Variants in PER2 observed in about 807,000 individuals in gnomAD.
PER2 encodes period circadian regulator 2.
PER2 carries 66 observed loss-of-function variants against 121.0 expected under a neutral mutation model. The ratio of observed to expected loss-of-function variants is 0.55; its 90% CI spans 0.45 to 0.67. PER2 has a LOEUF of 0.67. Among genes scored for constraint, PER2 ranks in the 30% least tolerant of loss-of-function variants. The pLI, the probability that PER2 is intolerant of heterozygous loss-of-function variation, is 0.00. For synonymous variants in PER2, 684 were observed against 659.9 expected, an observed-to-expected ratio of 1.04 and a Z score of -0.56; for missense variants, 1,521 against 1,635.0, an observed-to-expected ratio of 0.93 and a Z score of 1.20.
chr2:238,246,322 C>A lies in PER2; in HGVS notation c.*53G>T, dbSNP rs1574835890. The A allele has an allele frequency of 7.1e-7, 1 of 1,414,680 alleles. No homozygotes were observed. Among genetic ancestry groups the A allele is most frequent in the East Asian group, 2.4e-5 (1 of 42,290 alleles). 87.6% of individuals were successfully genotyped at this position (1,414,680 alleles called of 1,614,324 possible). On this transcript the variant is annotated 3_prime_UTR_variant, in exon 23 of 23. Transcript: ENST00000254657. Reference sequence around the variant, plus strand: ...CAGCCATGAAGATCTTTCATCTCTTCCAAGCACCACCTGGTGTACCTCGCT... The same window carrying A: ...CAGCCATGAAGATCTTTCATCTCTTACAAGCACCACCTGGTGTACCTCGCT...
intron 3 of PER2, among the ~76,000 whole-genome samples, chr2:238,276,208 G>A (rs13391596): frequency 0.056 from 8,446 of 152,142 alleles, 824 homozygotes; most frequent in African/African-American, 0.19. Context: ...GTGGCCCTTG[G>A]TGGGGCTCTG....
chr2:238,285,133 C>T (rs1334420695), intron 1 of PER2, among the ~76,000 whole-genome samples: 1 of 152,292 alleles, frequency 6.6e-6, no homozygotes, highest in South Asian at 2.1e-4. Context: ...GGGCGTGAAC[C>T]TGCCCTTGAG....
intron 1 of PER2, among the ~76,000 whole-genome samples, chr2:238,287,223 A>C (rs1025214049): frequency 6.6e-5 from 10 of 152,166 alleles, no homozygotes; most frequent in African/African-American, 2.4e-4. Flanking sequence ...AACTGCAAAC[A>C]CCCACGGTGC....
intron 5 of PER2, among the ~76,000 whole-genome samples, chr2:238,272,265 A>G (rs1696313518): frequency 1.3e-5 from 2 of 152,172 alleles, no homozygotes; most frequent in African/African-American, 2.4e-5. Flanking sequence ...TGTCTTGGAC[A>G]TGGCACCTGG....
intron 14 of PER2, 152 bp downstream of exon 14, chr2:238,259,817 A>T (rs113408718): frequency 3.1e-5 from 19 of 605,880 alleles, no homozygotes; most frequent in Non-Finnish European, 5.7e-5. Context: ...GCCTCTTGGA[A>T]GCTGCAGACT....
the PER2 span, chr2:238,298,550 T>C: frequency 1.3e-5 from 2 of 152,208 alleles, no homozygotes; most frequent in Non-Finnish European, 2.9e-5. Flanking sequence ...TGTTCTTCCA[T>C]GGCTTGTGGG....
intron 5 of PER2, among the ~76,000 whole-genome samples, chr2:238,271,976 G>T (rs373818978): frequency 2.6e-5 from 4 of 152,082 alleles, no homozygotes; most frequent in African/African-American, 9.7e-5. Context: ...TTCCAAGCTT[G>T]TGATAAGCCC....
intron 1 of PER2, among the ~76,000 whole-genome samples, chr2:238,279,590 GCC>G (rs1303999097): frequency 5.3e-5 from 8 of 152,184 alleles, no homozygotes; most frequent in Admixed American, 3.9e-4. Flanking sequence ...CATCCGTTTG[GCC>G]CTTCCCAGGG....
At position 238,273,299 on chromosome 2, in the gene PER2, G is replaced by A. The variant is rs934306725; in HGVS notation, c.449-108C>T. 5 of 1,204,066 alleles carry A rather than the reference G, an allele frequency of 4.2e-6. No homozygotes were observed. The East Asian group carries it at 7.6e-5, about 18-fold the overall frequency. 74.6% of individuals were successfully genotyped at this position (1,204,066 alleles called of 1,614,324 possible). ...TCTACTTTTCTCAAATGAAAAGGTA[G>A]GATATAAATCTCGTCTTCCTGGGAC... On this transcript the variant is annotated intron_variant, in intron 4 of 22. Transcript: ENST00000254657.
Position 238,255,889 on chromosome 2 carries a change from A to G in PER2, c.2088T>C (p.Ser696=), listed in dbSNP as rs1559324893. Reference sequence around the variant, plus strand: ...CCAGGCAGTCCAGGGATTCTGGCCCACTCGCAGCATCTTCCACCATCTCTG... The same window carrying G: ...CCAGGCAGTCCAGGGATTCTGGCCCGCTCGCAGCATCTTCCACCATCTCTG... The part of the protein sequence containing the change: ...PELEMVEDAA[S]GPESLDCLAG... The change falls in exon 18 of 23, where the codon AGT becomes AGC. Residue 696 remains serine (S), a synonymous_variant. Transcript: ENST00000254657. 6.2e-7 allele frequency: 1 copy of G among 1,614,142 alleles called. No homozygotes were observed. The highest frequency in any genetic ancestry group is 8.5e-7 in the Non-Finnish European group (1 of 1,180,022).
chr2:238,256,260 G>A (rs1574843303), intron 17 of PER2, among the ~76,000 whole-genome samples: 1 of 152,282 alleles, frequency 6.6e-6, no homozygotes, highest in Admixed American at 6.5e-5. Flanking sequence ...AGTCTTTCCG[G>A]GTTTGGGACC....
intron 21 of PER2, 56 bp from the exon 22 acceptor site, chr2:238,249,268 TTTA>T: frequency 2.6e-6 from 4 of 1,527,038 alleles, no homozygotes; most frequent in Non-Finnish European, 3.6e-6. Flanking sequence ...GGTATCTATT[TTTA>T]TTCTTTCAGA....
At chr2:238,269,622 CG>C (rs960372854) in intron 6 of PER2, among the ~76,000 whole-genome samples, 40 of 151,414 alleles carry the variant, frequency 2.6e-4, no homozygotes, top group Middle Eastern at 3.4e-3. Flanking sequence ...AACACACTCA[CG>C]GTGCACTGCT....
chr2:238,290,702 C>T (rs1166885237), upstream of PER2, among the ~76,000 whole-genome samples: 2 of 152,168 alleles, frequency 1.3e-5, no homozygotes, highest in Admixed American at 6.5e-5. Context: ...GTACACTCCA[C>T]AAATACTTGT....
At chr2:238,284,465 A>C (rs891715834) in intron 1 of PER2, among the ~76,000 whole-genome samples, 1 of 151,818 alleles carries the variant, frequency 6.6e-6, no homozygotes, top group Non-Finnish European at 1.5e-5. Context: ...AAAGAGAGAG[A>C]AAACGAAAAA....
At chr2:238,254,980 C>T (rs1238804055) in intron 18 of PER2, 1 of 152,384 alleles carries the variant, frequency 6.6e-6, no homozygotes, top group Non-Finnish European at 1.5e-5. Flanking sequence ...TGCCAGCGTC[C>T]CAGGGGGAAG....
upstream of PER2, among the ~76,000 whole-genome samples, chr2:238,290,275 G>A (rs1446349430): frequency 1.3e-5 from 2 of 152,008 alleles, no homozygotes; most frequent in African/African-American, 2.4e-5. Context: ...TTGACACCTC[G>A]ACACACTCCC....
chr2:238,260,713 A>C, intron 13 of PER2, 115 bp downstream of exon 13: 18 of 1,109,424 alleles, frequency 1.6e-5, no homozygotes, highest in Non-Finnish European at 2.2e-5. Flanking sequence ...GGAAGCAGCA[A>C]CAGCTGCAAT....
At position 238,288,488 on chromosome 2, in the gene PER2, A is replaced by C. The variant is rs1696858927; in HGVS notation, c.-159T>G. On this transcript the variant is annotated 5_prime_UTR_variant, in exon 1 of 23. Coordinates refer to ENST00000254657, the MANE Select transcript of PER2 (RefSeq NM_022817.3). Reference sequence around the variant, plus strand: ...GACAGGGCCAAGGGCACACGCCCCCACGCCGGCGCCGTTTCAAGCCGAGGA... The same window carrying C: ...GACAGGGCCAAGGGCACACGCCCCCCCGCCGGCGCCGTTTCAAGCCGAGGA... The C allele has an allele frequency of 6.6e-6, 1 of 151,986 alleles. No individual in the cohort carries two copies. Among genetic ancestry groups the C allele is most frequent in the South Asian group, 2.1e-4 (1 of 4,834 alleles). The allele number at this position is 151,986 out of a possible 1,614,324, so 9.4% of individuals were successfully genotyped here.
Sources: gnomAD v4.1 joint callset for allele counts (sites outside exome capture counted in the v4.1 genomes callset) on GRCh38, gnomAD v4.1.1 for gene constraint, MANE v1.5 for transcripts, NCBI Gene and HGNC (gene_info 2026-07-23, HGNC 2026-07-21) for gene names.